Variants in NKAIN3 observed in about 807,000 individuals in gnomAD.
NKAIN3 encodes sodium/potassium transporting ATPase interacting 3, also known as sodium/potassium-transporting ATPase subunit beta-1-interacting protein 3.
A neutral mutation model predicts 30.2 loss-of-function variants in NKAIN3; 25 were observed. That is an observed-to-expected ratio of 0.83 (90% CI 0.60 to 1.16). NKAIN3 has a LOEUF of 1.16. Ranked by LOEUF, NKAIN3 falls within the 50% of genes most tolerant of loss-of-function variation. The probability of loss-of-function intolerance (pLI) is 0.00; values close to 1 mark genes in which losing one functional copy is unlikely to be tolerated. For synonymous variants in NKAIN3, 91 were observed against 89.6 expected, an observed-to-expected ratio of 1.02 and a Z score of -0.09; for missense variants, 225 against 254.1, an observed-to-expected ratio of 0.89 and a Z score of 0.78.
chr8:62,994,115 A>T (rs1476718317), intron 5 of NKAIN3, among the ~76,000 whole-genome samples: 1 of 152,196 alleles, frequency 6.6e-6, no homozygotes, highest in African/African-American at 2.4e-5. Flanking sequence ...AAATTTTTAG[A>T]AAGTTGTCCT....
rs944426158 is a variant in NKAIN3 at position 62,968,226 on chromosome 8, G to A, written c.*2819G>A. On this transcript the variant is annotated 3_prime_UTR_variant, in exon 7 of 7. Coordinates refer to ENST00000623646, the MANE Select transcript of NKAIN3 (RefSeq NM_001304533.3). Reference sequence around the variant, plus strand: ...GAGGGCTATGCTTCTGTAAGACAAAGGGAAAAAAAGAAGTGCAGAGTTGTA... The same window carrying A: ...GAGGGCTATGCTTCTGTAAGACAAAAGGAAAAAAAGAAGTGCAGAGTTGTA... Among the ~76,000 whole-genome samples the A allele has an allele frequency of 3.3e-5, 5 of 152,040 alleles. No individual in the cohort carries two copies. In the South Asian group the frequency reaches 8.3e-4, roughly 25 times the overall value.
At chr8:62,990,460 C>T (rs1273031645) in intron 5 of NKAIN3, 4 of 745,130 alleles carry the variant, frequency 5.4e-6, no homozygotes, top group East Asian at 4.5e-5. Flanking sequence ...ATTGCCATTG[C>T]TTTGTATAAA....
At chr8:62,568,533 G>A (rs1809826463) in intron 1 of NKAIN3, among the ~76,000 whole-genome samples, 1 of 152,164 alleles carries the variant, frequency 6.6e-6, no homozygotes, top group Non-Finnish European at 1.5e-5. Context: ...TTTCCTGAGT[G>A]AATTTGTGAT....
Position 62,990,073 on chromosome 8 carries a change from A to C in NKAIN3, c.533-9158A>C, listed in dbSNP as rs143247778. The C allele has an allele frequency of 1.1e-3, 705 of 648,260 alleles. 4 individuals carry two copies. In the African/African-American group the frequency reaches 0.012, roughly 11 times the overall value. The allele number at this position is 648,260 out of a possible 1,614,324, so 40.2% of individuals were successfully genotyped here. ...TCAGGCACTTATATTGACTTTTATT[A>C]CACTTAATTTTGTTTGATTCAGCAA... On this transcript the variant is annotated intron_variant, in intron 5 of 5. Transcript: ENST00000519049.
chr8:62,628,801 T>A (rs1174666112), intron 3 of NKAIN3, among the ~76,000 whole-genome samples: 1 of 152,118 alleles, frequency 6.6e-6, no homozygotes, highest in Admixed American at 6.6e-5. Context: ...AAGATGATAT[T>A]TTTTTACACC....
intron 1 of NKAIN3, among the ~76,000 whole-genome samples, chr8:62,540,440 G>A (rs910941233): frequency 2.0e-5 from 3 of 152,124 alleles, no homozygotes; most frequent in African/African-American, 7.2e-5. Context: ...TCATAAGTGA[G>A]CCATGTAGTG....
At chr8:62,953,561 C>G (rs1486013692) in intron 5 of NKAIN3, among the ~76,000 whole-genome samples, 1 of 152,056 alleles carries the variant, frequency 6.6e-6, no homozygotes, top group Non-Finnish European at 1.5e-5. Flanking sequence ...CAAGAGGAGA[C>G]AGTATATCTT....
intron 1 of NKAIN3, among the ~76,000 whole-genome samples, chr8:62,333,719 T>G (rs1179430304): frequency 2.0e-5 from 3 of 152,142 alleles, no homozygotes; most frequent in Non-Finnish European, 4.4e-5. Flanking sequence ...AGGATATAAA[T>G]AGACATCATT....
In NKAIN3 at chr8:62,375,263, G is replaced by T. The variant is rs142079774; in HGVS notation, c.54+126136G>T. 2.6e-5 allele frequency among the ~76,000 whole-genome samples: 4 copies of T among 152,282 alleles called. No homozygotes were observed. The East Asian group carries it at 7.7e-4, about 29-fold the overall frequency. On this transcript the variant is annotated intron_variant, in intron 1 of 6. Transcript: ENST00000623646. The stretch of plus-strand genomic sequence containing the variant: ...GCCTATATTCTTCACATAGTGTGAA[G>T]ATCAATTATATAAGGTCCATGAATC...
intron 5 of NKAIN3, among the ~76,000 whole-genome samples, chr8:62,950,901 G>GACAAC (rs1823265851): frequency 1.4e-5 from 2 of 139,888 alleles, no homozygotes; most frequent in Admixed American, 1.5e-4. Flanking sequence ...TTCTACCATA[G>GACAAC]TCTTATCAAG....
At chr8:62,263,334 G>A (rs1454067895) in intron 1 of NKAIN3, among the ~76,000 whole-genome samples, 1 of 152,032 alleles carries the variant, frequency 6.6e-6, no homozygotes, top group Non-Finnish European at 1.5e-5. Flanking sequence ...TCAATATGTA[G>A]TTTGCTTTAT....
At chr8:62,469,456 C>T (rs1176918837) in intron 1 of NKAIN3, among the ~76,000 whole-genome samples, 1 of 152,086 alleles carries the variant, frequency 6.6e-6, no homozygotes, top group Non-Finnish European at 1.5e-5. Context: ...GCTCTCTACT[C>T]TACTGCCCCA....
chr8:62,465,608 A>G (rs1806138673), intron 1 of NKAIN3, among the ~76,000 whole-genome samples: 1 of 152,232 alleles, frequency 6.6e-6, no homozygotes, highest in Admixed American at 6.5e-5. Context: ...TTCATTCAGT[A>G]AACATTTATT....
chr8:62,642,245 C>T (rs1281561399), intron 3 of NKAIN3, among the ~76,000 whole-genome samples: 1 of 152,068 alleles, frequency 6.6e-6, no homozygotes, highest in Non-Finnish European at 1.5e-5. Context: ...TCCTACATGT[C>T]ACCATGTAGC....
intron 1 of NKAIN3, among the ~76,000 whole-genome samples, chr8:62,256,077 G>C (rs148035911): frequency 6.6e-6 from 1 of 152,038 alleles, no homozygotes; most frequent in African/African-American, 2.4e-5. Flanking sequence ...GTTGAGAGCC[G>C]AGTTAGCTGA....
At position 62,426,464 on chromosome 8, in the gene NKAIN3, A is replaced by G. The variant is rs192163849; in HGVS notation, c.55-153075A>G. Among the ~76,000 whole-genome samples the G allele has an allele frequency of 7.7e-4, 117 of 152,140 alleles. No individual in the cohort carries two copies. In the East Asian group the frequency reaches 0.022, roughly 29 times the overall value. ...CTACTGGAGTATTTATGAAAACTCA[A>G]TAGTGGCTTGTAACTATTTCTATGG... On this transcript the variant is annotated intron_variant, in intron 1 of 6. Transcript: ENST00000623646.
Position 62,965,266 on chromosome 8 carries a change from T to C in NKAIN3, c.604-88T>C, listed in dbSNP as rs1312398691. 4 of 984,448 alleles carry C rather than the reference T, an allele frequency of 4.1e-6. No individual in the cohort carries two copies. In the African/African-American group the frequency reaches 7.0e-5, roughly 17 times the overall value. The allele number at this position is 984,448 out of a possible 1,614,324, so 61.0% of individuals were successfully genotyped here. A position where few individuals can be genotyped will look rare whatever the true frequency, so the allele number is the denominator to read the frequency against. ...GCACCAGGTGCACCCAGGAGCTATT[T>C]TGCATTTCAAAAGGCCTCAATGAAT... On this transcript the variant is annotated intron_variant, in intron 6 of 6. Coordinates refer to ENST00000623646, the MANE Select transcript of NKAIN3 (RefSeq NM_001304533.3).
intron 4 of NKAIN3, among the ~76,000 whole-genome samples, chr8:62,765,740 G>T (rs1177490568): frequency 1.3e-5 from 2 of 151,922 alleles, no homozygotes; most frequent in Non-Finnish European, 2.9e-5. Flanking sequence ...ATATGTACCA[G>T]GTATAAATTG....
At chr8:62,604,985 T>C (rs570565895) in intron 3 of NKAIN3, among the ~76,000 whole-genome samples, 6 of 152,252 alleles carry the variant, frequency 3.9e-5, no homozygotes, top group Admixed American at 3.3e-4. Flanking sequence ...TAAAAAGCTC[T>C]ATTTCTTTGT....
Sources: gnomAD v4.1 joint callset for allele counts (sites outside exome capture counted in the v4.1 genomes callset) on GRCh38, gnomAD v4.1.1 for gene constraint, MANE v1.5 for transcripts, NCBI Gene and HGNC (gene_info 2026-07-23, HGNC 2026-07-21) for gene names.